Variants in PARP14 observed in about 807,000 individuals in gnomAD.
PARP14 encodes the protein protein mono-ADP-ribosyltransferase PARP14.
A neutral mutation model predicts 154.2 loss-of-function variants in PARP14; 59 were observed. The observed-to-expected ratio is 0.38, with a 90% confidence interval of 0.31 to 0.48. The LOEUF is 0.48. PARP14 is among the 20% of genes least tolerant of loss of function. PARP14 has a pLI of 0.98. For missense variants in PARP14, 1,734 were observed against 2,131.6 expected (o/e 0.81, Z 3.67); for synonymous variants, 720 against 780.5 (o/e 0.92, Z 1.29).
At chr3:122,727,704 G>C (rs1454929976) in intron 15 of PARP14, 108 bp from the exon 16 acceptor site, 1 of 604,886 alleles carries the variant, frequency 1.7e-6, no homozygotes, top group Non-Finnish European at 2.7e-6. Context: ...CATTGGATTT[G>C]CTGTTTAGTG....
In PARP14 at chr3:122,714,374, G is replaced by T. The variant is rs1158330326; in HGVS notation, c.3945G>T (p.Leu1315Phe). 2 of 1,587,460 alleles carry T rather than the reference G, an allele frequency of 1.3e-6. No homozygotes were observed. Among genetic ancestry groups the T allele is most frequent in the Admixed American group, 1.9e-5 (1 of 51,696 alleles). Residue 1315 changes from leucine to phenylalanine, a missense_variant, in exon 12 of 17, where the codon TTG (leucine) becomes TTT (phenylalanine). Physicochemically the swap from Leu to Phe is conservative, Grantham distance 22. Coordinates refer to ENST00000474629, the MANE Select transcript of PARP14 (RefSeq NM_017554.3). ...NDVKSSVSSV[L>F]QECEKKNYSS... The stretch of plus-strand genomic sequence containing the variant: ...TCAAGAGTTCAGTTTCCTCTGTTTT[G>T]CAGGAGTGTGAAAAAAAAAATTACT...
In PARP14 at chr3:122,681,101, G is replaced by A. The variant is rs767493719; in HGVS notation, c.187+31G>A. On this transcript the variant is annotated intron_variant, in intron 1 of 16. Transcript: ENST00000474629. This position sits in a 1 kb window ranked among gnomAD's most constrained non-coding sequence, Gnocchi z 5.5. The stretch of plus-strand genomic sequence containing the variant: ...GGGCGCGAGGGGTGGGGTGAGGAGG[G>A]GGCACCTCTGCCCTCCCTCCAGGGA... 3.9e-6 allele frequency: 6 copies of A among 1,543,244 alleles called. No homozygotes were observed. Among genetic ancestry groups the A allele is most frequent in the Non-Finnish European group, 5.4e-6 (6 of 1,118,412 alleles).
chr3:122,685,431 G>A (rs1364638389), intron 2 of PARP14, 113 bp downstream of exon 2: 19 of 962,086 alleles, frequency 2.0e-5, no homozygotes, highest in East Asian at 5.2e-5. Flanking sequence ...AAACTGCAGC[G>A]AGAAAAGCAG....
chr3:122,690,339 G>A (rs1345488042), intron 3 of PARP14, among the ~76,000 whole-genome samples: 3 of 152,088 alleles, frequency 2.0e-5, no homozygotes, highest in African/African-American at 7.2e-5. Context: ...ATTGTGATTT[G>A]TCATACCTGT....
rs1271032 is a variant in PARP14 at position 122,685,750 on chromosome 3, G to T, written c.321+432G>T. 3.2e-3 allele frequency among the ~76,000 whole-genome samples: 487 copies of T among 151,922 alleles called. 5 individuals carry two copies. Among genetic ancestry groups the T allele is most frequent in the South Asian group, 0.018 (89 of 4,816 alleles). On this transcript the variant is annotated intron_variant, in intron 2 of 16. Transcript: ENST00000474629. ...GTATCAAACTCCTGACCTCATGATC[G>T]GCCCACCTAGGCCTCCCAAAGTGCT...
In PARP14 at chr3:122,700,560, T is replaced by A; in HGVS notation, c.2006T>A (p.Met669Lys). 6.3e-7 allele frequency: 1 copy of A among 1,594,590 alleles called. No homozygotes were observed. ...KLLFNFVEQN[M>K]KIERLVEVKP... ...CTTTTTAACTTCGTTGAACAAAACA[T>A]GAAAATAGAGAGACTGGTTGAAGTA... Residue 669 changes from methionine (M) to lysine (K), a missense_variant, in exon 6 of 17, where the codon ATG becomes AAG. Coordinates refer to ENST00000474629, the MANE Select transcript of PARP14 (RefSeq NM_017554.3).
chr3:122,725,665 A>G (rs1389510123), intron 15 of PARP14, among the ~76,000 whole-genome samples: 3 of 152,176 alleles, frequency 2.0e-5, no homozygotes, highest in African/African-American at 7.2e-5. Flanking sequence ...TTAATCTTAT[A>G]ATAAGTGTAT....
chr3:122,715,052 G>A (rs145792289), intron 12 of PARP14, among the ~76,000 whole-genome samples: 105 of 151,048 alleles, frequency 7.0e-4, no homozygotes, highest in Non-Finnish European at 1.3e-3. Context: ...TAATGATAGC[G>A]TGATTTTTCA....
Position 122,728,655 on chromosome 3 carries a change from C to A in PARP14, c.*58C>A. 4 of 1,340,198 alleles carry A rather than the reference C, an allele frequency of 3.0e-6. No homozygotes were observed. Among genetic ancestry groups the A allele is most frequent in the Admixed American group, 2.2e-5 (1 of 45,666 alleles). 83.0% of individuals were successfully genotyped at this position (1,340,198 alleles called of 1,614,324 possible). A position where few individuals can be genotyped will look rare whatever the true frequency, so the allele number is the denominator to read the frequency against. On this transcript the variant is annotated 3_prime_UTR_variant, in exon 17 of 17. Transcript: ENST00000474629. Reference sequence around the variant, plus strand: ...CATTTGTACATATCTAGTTGTAAAACAAGTTTTAGCTTTTTTTTTTAATTC... The same window carrying A: ...CATTTGTACATATCTAGTTGTAAAAAAAGTTTTAGCTTTTTTTTTTAATTC...
Position 122,716,907 on chromosome 3 carries a change from A to G in PARP14, c.4001-1164A>G, listed in dbSNP as rs376636581. 8.5e-5 allele frequency among the ~76,000 whole-genome samples: 13 copies of G among 152,334 alleles called. 2 individuals carry two copies. The highest frequency in any genetic ancestry group is 1.9e-4 in the East Asian group (1 of 5,192). On this transcript the variant is annotated intron_variant, in intron 12 of 16. Transcript: ENST00000474629. Reference sequence around the variant, plus strand: ...GTTGATCACCTGTTCATCCCCGCATATCACATCATCTGTGTTCTAGCAAGT... The same window carrying G: ...GTTGATCACCTGTTCATCCCCGCATGTCACATCATCTGTGTTCTAGCAAGT...
At chr3:122,711,039 A>G (rs983284567) in intron 9 of PARP14, among the ~76,000 whole-genome samples, 3 of 152,126 alleles carry the variant, frequency 2.0e-5, no homozygotes, top group Non-Finnish European at 4.4e-5. Context: ...GCAAACAGCA[A>G]CAGTTTGACT....
At chr3:122,724,591 C>T (rs1008150249) in intron 15 of PARP14, among the ~76,000 whole-genome samples, 1 of 150,554 alleles carries the variant, frequency 6.6e-6, no homozygotes, top group African/African-American at 2.4e-5. Context: ...AAGTGTGAGC[C>T]ACAGCACCCA....
Position 122,703,734 on chromosome 3 carries a change from T to C in PARP14, c.3082-8T>C. On this transcript the variant is annotated splice_region_variant and splice_polypyrimidine_tract_variant and intron_variant, in intron 6 of 16. Transcript: ENST00000474629. The stretch of plus-strand genomic sequence containing the variant: ...AATTTGAAACAAATTTTTGGTTTTG[T>C]CTTTAAGACCGATGTTGTTGTCAAC... 6.4e-7 allele frequency: 1 copy of C among 1,552,808 alleles called. No homozygotes were observed. Among genetic ancestry groups the C allele is most frequent in the Non-Finnish European group, 8.7e-7 (1 of 1,146,954 alleles).
chr3:122,721,003 G>T, intron 15 of PARP14: 1 of 311,500 alleles, frequency 3.2e-6, no homozygotes, highest in Non-Finnish European at 6.3e-6. Context: ...TGATATTGCT[G>T]TTTGAAATTA....
chr3:122,692,589 T>G, intron 4 of PARP14, 46 bp downstream of exon 4: 1 of 1,543,256 alleles, frequency 6.5e-7, no homozygotes, highest in East Asian at 2.3e-5. Flanking sequence ...TTGTACCACA[T>G]CATGAGACTT....
At chr3:122,682,497 GTAGT>G (rs1191552619) in intron 1 of PARP14, among the ~76,000 whole-genome samples, 1 of 152,106 alleles carries the variant, frequency 6.6e-6, no homozygotes, top group East Asian at 1.9e-4. Context: ...CAGAATTTCC[GTAGT>G]TAATGTTAAC....
In PARP14 at chr3:122,703,837, G is replaced by A. The variant is rs758782395; in HGVS notation, c.3177G>A (p.Gln1059=). The change falls in exon 7 of 17, where the codon CAG becomes CAA. Residue 1059 remains glutamine (Q), a synonymous_variant. Coordinates refer to ENST00000474629, the MANE Select transcript of PARP14 (RefSeq NM_017554.3). ...SLLEKAGPEL[Q]EELDTVGQGV... ...TGGAAAAAGCTGGACCAGAGCTCCA[G>A]GAGGAATTGGACACAGTTGGACAAG... The A allele has an allele frequency of 1.9e-6, 3 of 1,613,986 alleles. No homozygotes were observed. The East Asian group carries it at 6.7e-5, about 36-fold the overall frequency.
Position 122,681,317 on chromosome 3 carries a change from C to T in PARP14, c.187+247C>T, listed in dbSNP as rs1048392460. The stretch of plus-strand genomic sequence containing the variant: ...CGGCCCGGAGGTGGCGGCGGAACCG[C>T]GCAAGTAACTCTTTATCCCTCGATC... On this transcript the variant is annotated intron_variant, in intron 1 of 16. Transcript: ENST00000474629. This position sits in a 1 kb window ranked among gnomAD's most constrained non-coding sequence, Gnocchi z 5.5. Among the ~76,000 whole-genome samples the T allele has an allele frequency of 6.6e-6, 1 of 152,218 alleles. No individual in the cohort carries two copies. Among genetic ancestry groups the T allele is most frequent in the African/African-American group, 2.4e-5 (1 of 41,450 alleles).
rs574155260 is a variant in PARP14 at position 122,703,494 on chromosome 3, G to T, written c.3082-248G>T. Among the ~76,000 whole-genome samples, 36 of 152,250 alleles carry T rather than the reference G, an allele frequency of 2.4e-4. 1 individual carries two copies. In the South Asian group the frequency reaches 6.8e-3, roughly 29 times the overall value. On this transcript the variant is annotated intron_variant, in intron 6 of 16. Transcript: ENST00000474629. ...GGTATCTTCACTAGTTACTGAAACA[G>T]CTTTCTCTGGACTCCTTCAGTGATG...
Sources: allele counts gnomAD v4.1 joint callset (sites outside exome capture counted in the v4.1 genomes callset), GRCh38; gene constraint gnomAD v4.1.1; non-coding constraint Gnocchi (gnomAD v3.1); transcripts MANE v1.5; gene names NCBI Gene and HGNC (gene_info 2026-07-23, HGNC 2026-07-21).